PSMD7: variants seen among roughly 807,000 people sequenced by gnomAD.
PSMD7 encodes the protein proteasome 26S subunit, non-ATPase 7.
In PSMD7, 13 loss-of-function variants were observed where a neutral mutation model predicts 36.4. The ratio of observed to expected loss-of-function variants is 0.36; its 90% CI spans 0.23 to 0.57. PSMD7 has a LOEUF of 0.57. Ranked by LOEUF, PSMD7 falls within the 20% of genes least tolerant of loss-of-function variation. The pLI, the probability that PSMD7 is intolerant of heterozygous loss-of-function variation, is 0.83. For missense variants in PSMD7, 298 were observed against 393.6 expected (o/e 0.76, Z 2.06); for synonymous variants, 186 against 151.0 (o/e 1.23, Z -1.70).
At position 74,305,456 on chromosome 16, in the gene PSMD7, T is replaced by A; in HGVS notation, c.698T>A (p.Val233Asp). 1 of 1,614,136 alleles carries A rather than the reference T, an allele frequency of 6.2e-7. No homozygotes were observed. The highest frequency in any genetic ancestry group is 8.5e-7 in the Non-Finnish European group (1 of 1,180,004). Residue 233 changes from valine (V) to aspartate (D), a missense_variant, in exon 7 of 7, where the codon GTC (valine) becomes GAC (aspartate). Physicochemically the swap from Val to Asp is radical, Grantham distance 152. Coordinates refer to ENST00000219313, the MANE Select transcript of PSMD7 (RefSeq NM_002811.5). ...CAGATCATCTACCAGCTGCAGGACG[T>A]CTTCAACCTGCTGCCAGATGTCAGC... ...NHQIIYQLQD[V>D]FNLLPDVSLQ... is the part of the protein sequence containing the mutation.
intron 1 of PSMD7, among the ~76,000 whole-genome samples, chr16:74,298,696 C>T (rs566877339): frequency 4.0e-5 from 6 of 151,736 alleles, no homozygotes; most frequent in African/African-American, 1.5e-4. Context: ...AACCCCTTCT[C>T]TACCAAAAAA....
At chr16:74,304,467 C>T (rs901421406) in intron 6 of PSMD7, 73 bp downstream of exon 6, 17 of 1,381,242 alleles carry the variant, frequency 1.2e-5, no homozygotes, top group African/African-American at 2.9e-5. Context: ...AGGTCTGTGT[C>T]GGGAATATGG....
Position 74,305,562 on chromosome 16 carries a change from C to A in PSMD7, c.804C>A (p.Ser268=), listed in dbSNP as rs150615969. The A allele has an allele frequency of 6.8e-6, 11 of 1,612,406 alleles. No homozygotes were observed. Among genetic ancestry groups the A allele is most frequent in the Admixed American group, 5.0e-5 (3 of 59,970 alleles). Reference sequence around the variant, plus strand: ...TGTACTTGGCCTCGCTGATCCGTTCCGTGGTCGCCCTGCACAACCTCATCA... The same window carrying A: ...TGTACTTGGCCTCGCTGATCCGTTCAGTGGTCGCCCTGCACAACCTCATCA... The part of the protein sequence containing the change: ...VVVYLASLIR[S]VVALHNLINN... The change falls in exon 7 of 7, where the codon TCC becomes TCA. Residue 268 remains serine, a synonymous_variant. Coordinates refer to ENST00000219313, the MANE Select transcript of PSMD7 (RefSeq NM_002811.5).
chr16:74,301,071 C>CAAAG lies in PSMD7; in HGVS notation c.188_191dup (p.Asp64GlufsTer11). ...CTTTAGTTCCTTTTGATGAAGATGA[C>CAAAG]AAAGACGATTCTGTATGGTTTTTAG... On this transcript the variant is annotated frameshift_variant, in exon 3 of 7. Transcript: ENST00000219313. LOFTEE classifies it high-confidence loss of function. The CAAAG allele has an allele frequency of 6.2e-7, 1 of 1,611,968 alleles. No individual in the cohort carries two copies. Among genetic ancestry groups the CAAAG allele is most frequent in the Non-Finnish European group, 8.5e-7 (1 of 1,178,528 alleles).
At chr16:74,301,521 ATAGT>A in intron 3 of PSMD7, 30 bp from the exon 4 acceptor site, 4 of 1,470,860 alleles carry the variant, frequency 2.7e-6, no homozygotes, top group Non-Finnish European at 3.8e-6. Context: ...TCTTCATGAA[ATAGT>A]TAAAGCCTGC....
chr16:74,300,409 C>T lies in PSMD7; in HGVS notation c.166+203C>T, dbSNP rs1449946379. On this transcript the variant is annotated intron_variant, in intron 2 of 6. Coordinates refer to ENST00000219313, the MANE Select transcript of PSMD7 (RefSeq NM_002811.5). ...TGCAGGCCATGTGGTCTCCACTGCA[C>T]CTGCTCCTCTCTGCCATTATAGTGC... 6.8e-6 allele frequency: 4 copies of T among 584,392 alleles called. No individual in the cohort carries two copies. In the African/African-American group the frequency reaches 7.5e-5, roughly 11 times the overall value. 36.2% of individuals were successfully genotyped at this position (584,392 alleles called of 1,614,324 possible). A position where few individuals can be genotyped will look rare whatever the true frequency, so the allele number is the denominator to read the frequency against.
chr16:74,299,055 ATTAAC>A (rs2142561640), intron 1 of PSMD7, among the ~76,000 whole-genome samples: 1 of 150,432 alleles, frequency 6.6e-6, no homozygotes, highest in Non-Finnish European at 1.5e-5. Context: ...ATACAGAATC[ATTAAC>A]TTTGTTTGAT....
intron 1 of PSMD7, among the ~76,000 whole-genome samples, chr16:74,299,129 C>A (rs2034136726): frequency 6.6e-6 from 1 of 150,872 alleles, no homozygotes; most frequent in Non-Finnish European, 1.5e-5. Context: ...AAGAAAAATA[C>A]TACAGTTAAA....
At position 74,305,932 on chromosome 16, in the gene PSMD7, G is replaced by A. The variant is rs1046728831; in HGVS notation, c.*199G>A. 23 of 464,630 alleles carry A rather than the reference G, an allele frequency of 5.0e-5. No homozygotes were observed. The highest frequency in any genetic ancestry group is 2.1e-4 in the Admixed American group (5 of 23,570). 28.8% of individuals were successfully genotyped at this position (464,630 alleles called of 1,614,324 possible). Reference sequence around the variant, plus strand: ...ATCTCAAATCTGAACTGCAGCTTTCGCTGCTGTGAGTTGGGGATATGATAG... The same window carrying A: ...ATCTCAAATCTGAACTGCAGCTTTCACTGCTGTGAGTTGGGGATATGATAG... On this transcript the variant is annotated 3_prime_UTR_variant, in exon 7 of 7. Coordinates refer to ENST00000219313, the MANE Select transcript of PSMD7 (RefSeq NM_002811.5).
At chr16:74,304,022 C>A (rs765834223) in intron 5 of PSMD7, 4 of 289,902 alleles carry the variant, frequency 1.4e-5, no homozygotes, top group Non-Finnish European at 2.7e-5. Context: ...CAACCTGAGA[C>A]CTCCCTGTGC....
rs898761403 is a variant in PSMD7 at position 74,305,185 on chromosome 16, C to G, written c.531-104C>G. 2.2e-6 allele frequency: 3 copies of G among 1,359,146 alleles called. No individual in the cohort carries two copies. In the African/African-American group the frequency reaches 4.4e-5, roughly 20 times the overall value. The allele number at this position is 1,359,146 out of a possible 1,614,324, so 84.2% of individuals were successfully genotyped here. On this transcript the variant is annotated intron_variant, in intron 6 of 6. Coordinates refer to ENST00000219313, the MANE Select transcript of PSMD7 (RefSeq NM_002811.5). Reference sequence around the variant, plus strand: ...GTGACATTTTTCTTTTAAAAACTTGCCTCACCCAACAAAGCTAGGAATTTT... The same window carrying G: ...GTGACATTTTTCTTTTAAAAACTTGGCTCACCCAACAAAGCTAGGAATTTT...
At position 74,304,403 on chromosome 16, in the gene PSMD7, C is replaced by T. The variant is rs1485664326; in HGVS notation, c.530+9C>T. The T allele has an allele frequency of 6.2e-7, 1 of 1,607,648 alleles. No homozygotes were observed. The highest frequency in any genetic ancestry group is 1.3e-5 in the African/African-American group (1 of 74,880). On this transcript the variant is annotated intron_variant, in intron 6 of 6. Transcript: ENST00000219313. ...GTTGAACACTTGTTACGGTGAGACC[C>T]TAGTACAGCATCAAAATCATTCACT... is the stretch of plus-strand genomic sequence containing the variant.
rs1455952477 is a variant in PSMD7 at position 74,300,180 on chromosome 16, T to C, written c.140T>C (p.Val47Ala). 3 of 1,614,174 alleles carry C rather than the reference T, an allele frequency of 1.9e-6. No homozygotes were observed. ...GVLLGSWQKK[V>A]LDVSNSFAVP... ...CTTTTGGGGTCATGGCAAAAGAAAG[T>C]ACTTGATGTATCGAACAGTTTTGCA... The change falls in exon 2 of 7, where the codon GTA becomes GCA. Residue 47 changes from valine to alanine, a missense_variant. Val to Ala is a moderately conservative substitution (Grantham distance 64, BLOSUM62 0). Transcript: ENST00000219313.
At chr16:74,297,118 C>A in intron 1 of PSMD7, 130 bp downstream of exon 1, 3 of 955,174 alleles carry the variant, frequency 3.1e-6, no homozygotes, top group Middle Eastern at 6.2e-4. Context: ...TACTTGTTCA[C>A]GAGTCCAGAC....
At chr16:74,303,065 C>T (rs1009630087) in intron 5 of PSMD7, among the ~76,000 whole-genome samples, 3 of 152,168 alleles carry the variant, frequency 2.0e-5, no homozygotes, top group Admixed American at 2.0e-4. Flanking sequence ...TGAGGTTGCT[C>T]GTACACATGC....
Position 74,296,962 on chromosome 16 carries a change from G to T in PSMD7, c.48G>T (p.Leu16=), listed in dbSNP as rs144697182. Residue 16 remains leucine (L), a synonymous_variant, in exon 1 of 7, where the codon CTG becomes CTT. Transcript: ENST00000219313. ...VQKVVVHPLV[L]LSVVDHFNRI... is the part of the protein sequence containing the mutation. ...AGGTGGTGGTCCACCCCCTGGTGCT[G>T]CTCAGTGTGGTGGATCATTTCAACC... 9 of 1,612,966 alleles carry T rather than the reference G, an allele frequency of 5.6e-6. No homozygotes were observed. The highest frequency in any genetic ancestry group is 7.6e-6 in the Non-Finnish European group (9 of 1,179,790).
chr16:74,302,543 GT>G (rs925376495), intron 5 of PSMD7, among the ~76,000 whole-genome samples: 27 of 152,148 alleles, frequency 1.8e-4, no homozygotes, highest in Middle Eastern at 3.2e-3. Context: ...AAGCCTAGGA[GT>G]TGAAGACCAG....
At chr16:74,300,548 A>T (rs1429764096) in intron 2 of PSMD7, 4 of 325,916 alleles carry the variant, frequency 1.2e-5, no homozygotes, top group African/African-American at 6.3e-5. Flanking sequence ...CTGTTTAACC[A>T]CGCTTCTTAT....
chr16:74,302,333 C>T (rs745669674), intron 5 of PSMD7, 41 bp downstream of exon 5: 2 of 1,471,490 alleles, frequency 1.4e-6, no homozygotes, highest in South Asian at 1.2e-5. Flanking sequence ...TAGACTGCTA[C>T]TTATTGGGTG....
Sources: allele counts gnomAD v4.1 joint callset (sites outside exome capture counted in the v4.1 genomes callset), GRCh38; gene constraint gnomAD v4.1.1; transcripts MANE v1.5; gene names NCBI Gene and HGNC (gene_info 2026-07-23, HGNC 2026-07-21).